The following SNX9 variants were observed in gnomAD, a reference collection of about 807,000 sequenced individuals.
SNX9 encodes sorting nexin-9.
A neutral mutation model predicts 89.4 loss-of-function variants in SNX9; 44 were observed. That is an observed-to-expected ratio of 0.49 (90% CI 0.39 to 0.63). The LOEUF is 0.63. Among genes scored for constraint, SNX9 ranks in the 30% least tolerant of loss-of-function variants. SNX9 has a pLI of 0.00. For synonymous variants in SNX9, 236 were observed against 247.8 expected (o/e 0.95, Z 0.45); for missense variants, 578 against 736.1 (o/e 0.79, Z 2.49).
chr6:157,861,978 C>T (rs149677003), intron 1 of SNX9, among the ~76,000 whole-genome samples: 194 of 152,212 alleles, frequency 1.3e-3, no homozygotes, highest in African/African-American at 4.5e-3. Flanking sequence ...TGGGCAGTGT[C>T]TATGGTGTAG....
At chr6:157,902,212 T>TAAA (rs57207307) in intron 6 of SNX9, among the ~76,000 whole-genome samples, 167 bp downstream of exon 6, 31,196 of 144,544 alleles carry the variant, frequency 0.22, 3,331 homozygotes, top group Non-Finnish European at 0.23. Context: ...GAAGCTTACT[T>TAAA]AAAAAAAAAA....
At chr6:157,833,832 ACTAT>A (rs895288959) in intron 1 of SNX9, among the ~76,000 whole-genome samples, 1 of 152,212 alleles carries the variant, frequency 6.6e-6, no homozygotes, top group Non-Finnish European at 1.5e-5. Context: ...TTGTCCCGTG[ACTAT>A]CTACCAGTAT....
chr6:157,908,686 G>A (rs1783271120), intron 7 of SNX9, among the ~76,000 whole-genome samples: 1 of 152,168 alleles, frequency 6.6e-6, no homozygotes, highest in Non-Finnish European at 1.5e-5. Flanking sequence ...CCAGGTTTGG[G>A]ACAGCAGACC....
chr6:157,848,546 G>T (rs1434949322), intron 1 of SNX9, among the ~76,000 whole-genome samples: 5 of 152,080 alleles, frequency 3.3e-5, no homozygotes, highest in Admixed American at 3.3e-4. Context: ...ATGAAGTGAA[G>T]TTTTTTATTT....
intron 1 of SNX9, among the ~76,000 whole-genome samples, chr6:157,825,434 T>C (rs1482491895): frequency 6.6e-6 from 1 of 152,210 alleles, no homozygotes; most frequent in Non-Finnish European, 1.5e-5. Context: ...TATTTCATAG[T>C]TAATCCTGAA....
At position 157,944,224 on chromosome 6, in the gene SNX9, A is replaced by G. The variant is rs1304633986; in HGVS notation, c.*1386A>G. ...TTTTTCTGACCTAATAATTACGGGA[A>G]ATGGAAAGTCTGGGCCAGCATCAAT... On this transcript the variant is annotated 3_prime_UTR_variant, in exon 18 of 18. Transcript: ENST00000392185. 3 of 152,550 alleles carry G rather than the reference A, an allele frequency of 2.0e-5. No individual in the cohort carries two copies. Among genetic ancestry groups the G allele is most frequent in the Non-Finnish European group, 4.4e-5 (3 of 68,034 alleles). 9.4% of individuals were successfully genotyped at this position (152,550 alleles called of 1,614,324 possible).
chr6:157,921,426 C>T (rs189280761), intron 9 of SNX9, 105 bp from the exon 10 acceptor site: 1 of 1,179,278 alleles, frequency 8.5e-7, no homozygotes, highest in Admixed American at 2.3e-5. Context: ...AAATAGCTTT[C>T]TACCCAATAG....
At chr6:157,843,595 C>T (rs977445759) in intron 1 of SNX9, among the ~76,000 whole-genome samples, 3 of 152,078 alleles carry the variant, frequency 2.0e-5, no homozygotes, top group Non-Finnish European at 4.4e-5. Flanking sequence ...TAAAGTGGAC[C>T]AGACCTGTGT....
chr6:157,842,424 C>G (rs9346930), intron 1 of SNX9, among the ~76,000 whole-genome samples: 19,407 of 152,164 alleles, frequency 0.13, 2,016 homozygotes, highest in African/African-American at 0.29. Context: ...GGTTCACCAT[C>G]ACCACTGCCT....
At chr6:157,876,693 C>T (rs995738856) in intron 4 of SNX9, among the ~76,000 whole-genome samples, 3 of 152,218 alleles carry the variant, frequency 2.0e-5, no homozygotes, top group Non-Finnish European at 4.4e-5. Context: ...CACTGTGAAA[C>T]GTGAATAGTA....
At chr6:157,914,485 T>TTTA (rs1252932076) in intron 9 of SNX9, among the ~76,000 whole-genome samples, 3 of 137,662 alleles carry the variant, frequency 2.2e-5, no homozygotes, top group Admixed American at 7.2e-5. Context: ...TTTTTTTTTT[T>TTTA]TTTTTTTGGA....
chr6:157,913,714 G>T (rs965104458), intron 9 of SNX9, among the ~76,000 whole-genome samples: 2 of 152,126 alleles, frequency 1.3e-5, no homozygotes, highest in African/African-American at 2.4e-5. Context: ...TCATAATTCT[G>T]CGTTTTCTAG....
chr6:157,910,184 A>G (rs1297082153), intron 9 of SNX9, among the ~76,000 whole-genome samples, 159 bp downstream of exon 9: 1 of 152,248 alleles, frequency 6.6e-6, no homozygotes, highest in Admixed American at 6.5e-5. Flanking sequence ...GAACCATTGC[A>G]TGTTGTACAT....
At chr6:157,832,783 G>A (rs1781501441) in intron 1 of SNX9, among the ~76,000 whole-genome samples, 1 of 152,136 alleles carries the variant, frequency 6.6e-6, no homozygotes. Flanking sequence ...CCCCCACCAG[G>A]TGCCTCCCAC....
intron 15 of SNX9, 45 bp downstream of exon 15, chr6:157,937,568 G>A: frequency 5.3e-6 from 7 of 1,330,386 alleles, no homozygotes; most frequent in Non-Finnish European, 7.6e-6. Flanking sequence ...GCAGGTGAAG[G>A]AGGCAGATGT....
At chr6:157,886,594 A>G (rs1336495223) in intron 4 of SNX9, among the ~76,000 whole-genome samples, 1 of 152,260 alleles carries the variant, frequency 6.6e-6, no homozygotes, top group Non-Finnish European at 1.5e-5. Flanking sequence ...AATCCTTGCC[A>G]GAATCAGAAA....
intron 5 of SNX9, among the ~76,000 whole-genome samples, chr6:157,900,499 A>C (rs913652605): frequency 3.3e-5 from 5 of 152,108 alleles, no homozygotes; most frequent in Admixed American, 1.3e-4. Flanking sequence ...AGACACACAC[A>C]AGATAGCGAA....
chr6:157,928,074 T>G (rs1783733560), intron 11 of SNX9, among the ~76,000 whole-genome samples: 1 of 152,220 alleles, frequency 6.6e-6, no homozygotes, highest in South Asian at 2.1e-4. Flanking sequence ...GACCTCACAC[T>G]AGACATTTTG....
intron 1 of SNX9, among the ~76,000 whole-genome samples, chr6:157,852,227 T>C (rs1232602467): frequency 6.6e-6 from 1 of 152,196 alleles, no homozygotes; most frequent in African/African-American, 2.4e-5. Context: ...CCACCAACCA[T>C]TGATTTAGTT....
Sources: gnomAD v4.1 joint callset for allele counts (sites outside exome capture counted in the v4.1 genomes callset) on GRCh38, gnomAD v4.1.1 for gene constraint, MANE v1.5 for transcripts, NCBI Gene and HGNC (gene_info 2026-07-23, HGNC 2026-07-21) for gene names.